The following ASXL1 variants were observed in gnomAD, a reference collection of about 807,000 sequenced individuals.
ASXL1 encodes polycomb group protein ASXL1.
Under a neutral mutation model 89.1 loss-of-function variants are expected in ASXL1, and 65 were observed. The ratio of observed to expected loss-of-function variants is 0.73; its 90% CI spans 0.60 to 0.90. The LOEUF is 0.90. Ranked by LOEUF, ASXL1 falls within the 40% of genes least tolerant of loss-of-function variation. The probability of loss-of-function intolerance (pLI) is 0.00; values close to 1 mark genes in which losing one functional copy is unlikely to be tolerated. For synonymous variants in ASXL1, 739 were observed against 746.9 expected, an observed-to-expected ratio of 0.99 and a Z score of 0.17; for missense variants, 1,786 against 1,942.9, an observed-to-expected ratio of 0.92 and a Z score of 1.52.
At chr20:32,432,738 G>GAATTTCCC in intron 10 of ASXL1, 142 bp from the exon 11 acceptor site, 1 of 1,040,744 alleles carries the variant, frequency 9.6e-7, no homozygotes, top group Non-Finnish European at 1.4e-6. Context: ...TAGTAGATGT[G>GAATTTCCC]TTAGCTCTGT....
intron 2 of ASXL1, 143 bp downstream of exon 2, chr20:32,366,609 T>C (rs528391985): frequency 7.2e-5 from 110 of 1,520,876 alleles, no homozygotes; most frequent in Non-Finnish European, 3.5e-5. Context: ...ATTTCCCAAA[T>C]TGTGTGTCGT....
rs774775836 is a variant in ASXL1, at chr20:32,429,932, C to T, written c.597C>T (p.Ser199=). Residue 199 remains serine (S), a synonymous_variant, in exon 8 of 13, where the codon AGC becomes AGT. Coordinates refer to ENST00000375687, the MANE Select transcript of ASXL1 (RefSeq NM_015338.6). This position sits in a 1 kb window ranked among gnomAD's most constrained non-coding sequence, Gnocchi z 4.9. ...GFSGCHADGE[S]GSPSSSSSGS... is the part of the protein sequence containing the mutation. The stretch of plus-strand genomic sequence containing the variant: ...CGGGCTGCCACGCCGATGGCGAGAG[C>T]GGCAGCCCGTCCAGCAGCAGCAGCG... 27 of 1,607,920 alleles carry T rather than the reference C, an allele frequency of 1.7e-5. No homozygotes were observed. The highest frequency in any genetic ancestry group is 2.2e-5 in the East Asian group (1 of 44,850).
At chr20:32,374,393 A>T (rs1314962159) in intron 4 of ASXL1, among the ~76,000 whole-genome samples, 1 of 152,016 alleles carries the variant, frequency 6.6e-6, no homozygotes, top group East Asian at 1.9e-4. Context: ...GCCTGGGCTT[A>T]AGGAATCTTC....
intron 1 of ASXL1, 61 bp from the exon 2 acceptor site, chr20:32,366,323 A>T (rs1242277739): frequency 6.3e-6 from 9 of 1,418,304 alleles, no homozygotes; most frequent in Non-Finnish European, 9.0e-6. Flanking sequence ...CCCATGATAT[A>T]TGGATGGATG....
chr20:32,418,909 T>G (rs2049188731), intron 4 of ASXL1, among the ~76,000 whole-genome samples: 1 of 133,344 alleles, frequency 7.5e-6, no homozygotes, highest in Non-Finnish European at 1.6e-5. Context: ...CTTGGCCTAC[T>G]GTAATCTCCG....
rs2145363835 is a variant in ASXL1 at position 32,434,847 on chromosome 20, C to T, written c.2135C>T (p.Ala712Val). 6.2e-7 allele frequency: 1 copy of T among 1,614,144 alleles called. No individual in the cohort carries two copies. Among genetic ancestry groups the T allele is most frequent in the Non-Finnish European group, 8.5e-7 (1 of 1,179,996 alleles). Reference sequence around the variant, plus strand: ...GGGGAGCATACCCAGGCCGGAACTGCCATGTCCAGAGCTAGGAGAGAGGAC... The same window carrying T: ...GGGGAGCATACCCAGGCCGGAACTGTCATGTCCAGAGCTAGGAGAGAGGAC... ...LNGEHTQAGT[A>V]MSRARREDLP... is the part of the protein sequence containing the mutation. The change falls in exon 13 of 13, where the codon GCC (alanine) becomes GTC (valine). Residue 712 changes from alanine to valine, a missense_variant. This residue lies in a region of ASXL1 where 1,418 missense variants were observed against 1,427.8 expected (regional missense o/e 0.99). Coordinates refer to ENST00000375687, the MANE Select transcript of ASXL1 (RefSeq NM_015338.6).
At position 32,399,756 on chromosome 20, in the gene ASXL1, T is replaced by A. The variant is rs1443551393; in HGVS notation, c.253-28372T>A. On this transcript the variant is annotated intron_variant, in intron 4 of 12. Transcript: ENST00000375687. ...TCTCACATATTTTACTCTTTTTTTT[T>A]TTTTTTTTTTTTTTTTTTTTTTAAA... 9.4e-4 allele frequency among the ~76,000 whole-genome samples: 106 copies of A among 112,204 alleles called. 1 individual carries two copies. Among genetic ancestry groups the A allele is most frequent in the Admixed American group, 5.3e-3 (45 of 8,530 alleles). 73.6% of individuals were successfully genotyped at this position (112,204 alleles called of 152,430 possible). A position where few individuals can be genotyped will look rare whatever the true frequency, so the allele number is the denominator to read the frequency against.
chr20:32,395,588 C>T (rs147857052), intron 4 of ASXL1, among the ~76,000 whole-genome samples: 143 of 152,132 alleles, frequency 9.4e-4, no homozygotes, highest in African/African-American at 3.3e-3. Context: ...TTCTTTTGTA[C>T]TTCCCCACCG....
In ASXL1 at chr20:32,427,663, ATGT is replaced by A. The variant is rs1393820025; in HGVS notation, c.253-464_253-462del. The A allele has an allele frequency of 5.0e-5, 10 of 200,084 alleles. No individual in the cohort carries two copies. In the Admixed American group the frequency reaches 5.3e-4, roughly 11 times the overall value. 12.4% of individuals were successfully genotyped at this position (200,084 alleles called of 1,614,324 possible). ...CAGCTTAAGCAACACATCCTTTTGG[ATGT>A]GTTACTTCCCTGATCGTTATTCACC... is the stretch of plus-strand genomic sequence containing the variant. On this transcript the variant is annotated intron_variant, in intron 4 of 12. Transcript: ENST00000375687.
intron 4 of ASXL1, among the ~76,000 whole-genome samples, chr20:32,375,546 A>G (rs2048363352): frequency 6.6e-6 from 1 of 152,196 alleles, no homozygotes. Flanking sequence ...ATTGTGTATA[A>G]TACATAGTCC....
chr20:32,433,361 TCC>T lies in ASXL1; in HGVS notation c.1165_1166del (p.Pro389ArgfsTer20). The stretch of plus-strand genomic sequence containing the variant: ...GCTGAAATCAAAAGTGGCTTGTGTG[TCC>T]CAGGAGAATCAGTGCGTATACAGCG... On this transcript the variant is annotated frameshift_variant, in exon 12 of 13. Coordinates refer to ENST00000375687, the MANE Select transcript of ASXL1 (RefSeq NM_015338.6). LOFTEE classifies it high-confidence loss of function. 6.2e-7 allele frequency: 1 copy of T among 1,614,100 alleles called. No individual in the cohort carries two copies.
At chr20:32,359,205 G>A (rs764731885) in intron 1 of ASXL1, 46 of 698,154 alleles carry the variant, frequency 6.6e-5, no homozygotes, top group Non-Finnish European at 1.1e-4. Flanking sequence ...TTGGGTTTCC[G>A]GGAAGGGTCG....
At chr20:32,373,077 T>C (rs972380186) in intron 4 of ASXL1, among the ~76,000 whole-genome samples, 1 of 150,124 alleles carries the variant, frequency 6.7e-6, no homozygotes, top group African/African-American at 2.4e-5. Flanking sequence ...TCGTGTGTCC[T>C]TGTTCATAAT....
chr20:32,403,104 C>T (rs1351912748), intron 4 of ASXL1, among the ~76,000 whole-genome samples: 1 of 152,034 alleles, frequency 6.6e-6, no homozygotes, highest in Admixed American at 6.5e-5. Context: ...TGTTCATTTT[C>T]CTTTTTGGGG....
intron 6 of ASXL1, chr20:32,428,950 C>CT: frequency 3.0e-6 from 1 of 335,842 alleles, no homozygotes; most frequent in Non-Finnish European, 5.8e-6. Context: ...TGTGAGTCAC[C>CT]ATGCCTAGCC....
chr20:32,414,243 T>C (rs1382906631), intron 4 of ASXL1, among the ~76,000 whole-genome samples: 1 of 152,144 alleles, frequency 6.6e-6, no homozygotes, highest in African/African-American at 2.4e-5. Flanking sequence ...ATTTCTGTCT[T>C]TTGGCTTTCT....
chr20:32,402,136 A>G (rs1011489910), intron 4 of ASXL1, among the ~76,000 whole-genome samples: 2 of 152,190 alleles, frequency 1.3e-5, no homozygotes, highest in African/African-American at 2.4e-5. Flanking sequence ...TCCAAGTCCT[A>G]TGTATTAACA....
In ASXL1 at chr20:32,358,911, A is replaced by AG. The variant is rs1326719997; in HGVS notation, c.57+83dup. ...CCGCGCACCCCCCCACTGGGGGGGG[A>AG]GGGGCAAGGCCCTGCCCACCGCGGG... On this transcript the variant is annotated intron_variant, in intron 1 of 12. Coordinates refer to ENST00000375687, the MANE Select transcript of ASXL1 (RefSeq NM_015338.6). 3.9e-6 allele frequency: 5 copies of AG among 1,286,164 alleles called. No individual in the cohort carries two copies. In the African/African-American group the frequency reaches 8.0e-5, roughly 21 times the overall value. 79.7% of individuals were successfully genotyped at this position (1,286,164 alleles called of 1,614,324 possible).
chr20:32,436,811 G>A lies in ASXL1; in HGVS notation c.4099G>A (p.Val1367Ile), dbSNP rs147456014. ...APKPHAFVGS[V>I]KNEKTFVGGP... ...AAAGCCACATGCCTTTGTTGGCAGC[G>A]TCAAGAATGAGAAGACTTTTGTGGG... Residue 1367 changes from valine (V) to isoleucine (I), a missense_variant, in exon 13 of 13, where the codon GTC becomes ATC. Physicochemically the swap from Val to Ile is conservative, Grantham distance 29. Around this residue, in one of 3 missense-constraint regions of ASXL1, gnomAD observed 1,418 missense variants for 1,427.8 expected, o/e 0.99. Transcript: ENST00000375687. The A allele has an allele frequency of 1.3e-4, 207 of 1,614,222 alleles. No homozygotes were observed. Among genetic ancestry groups the A allele is most frequent in the Middle Eastern group, 1.6e-4 (1 of 6,062 alleles).
Sources: allele counts gnomAD v4.1 joint callset (sites outside exome capture counted in the v4.1 genomes callset), GRCh38; gene constraint gnomAD v4.1.1; regional missense constraint gnomAD v4.1.1; non-coding constraint Gnocchi (gnomAD v3.1); transcripts MANE v1.5; gene names NCBI Gene and HGNC (gene_info 2026-07-23, HGNC 2026-07-21).